Variants in RBM6 observed in about 807,000 individuals in gnomAD.
The protein encoded by RBM6 is RNA binding motif protein 6.
Under a neutral mutation model 140.4 loss-of-function variants are expected in RBM6, and 23 were observed. That is an observed-to-expected ratio of 0.16 (90% CI 0.12 to 0.23). RBM6 has a LOEUF of 0.23. Among genes scored for constraint, RBM6 ranks in the 10% least tolerant of loss-of-function variants. The probability of loss-of-function intolerance (pLI) is 1.00; values close to 1 mark genes in which losing one functional copy is unlikely to be tolerated. For synonymous variants in RBM6, 439 were observed against 475.6 expected (o/e 0.92, Z 1.00); for missense variants, 1,139 against 1,386.7 (o/e 0.82, Z 2.84).
rs531605904 is a variant in RBM6, at chr3:49,954,845, G to A, written c.-66-7731G>A. Among the ~76,000 whole-genome samples the A allele has an allele frequency of 1.1e-4, 16 of 149,426 alleles. No individual in the cohort carries two copies. The South Asian group carries it at 3.0e-3, about 28-fold the overall frequency. On this transcript the variant is annotated intron_variant, in intron 1 of 20. Coordinates refer to ENST00000266022, the MANE Select transcript of RBM6 (RefSeq NM_005777.3). ...GCGATCTCAGCCCACTGCAAGCTCC[G>A]CCTCCCAGGTTCACACCATTCTCCT...
intron 19 of RBM6, 43 bp from the exon 20 acceptor site, chr3:50,075,156 CAA>C (rs376657561): frequency 6.4e-3 from 8,643 of 1,352,896 alleles, no homozygotes; most frequent in South Asian, 0.018. Flanking sequence ...AACTCCGTCT[CAA>C]AAAAAAAAAA....
In RBM6 at chr3:50,061,136, A is replaced by G; in HGVS notation, c.2272-4A>G. 6 of 1,614,156 alleles carry G rather than the reference A, an allele frequency of 3.7e-6. No homozygotes were observed. The highest frequency in any genetic ancestry group is 2.2e-5 in the East Asian group (1 of 44,880). On this transcript the variant is annotated splice_polypyrimidine_tract_variant and splice_region_variant and intron_variant, in intron 12 of 20. Coordinates refer to ENST00000266022, the MANE Select transcript of RBM6 (RefSeq NM_005777.3). ...TGTAATTTTAACTTGCCTTTCTGTG[A>G]TAGGGTAAAAAATATTTCCGAGATA... is the stretch of plus-strand genomic sequence containing the variant.
chr3:50,007,587 C>T (rs1486195954), intron 6 of RBM6, among the ~76,000 whole-genome samples: 6 of 151,500 alleles, frequency 4.0e-5, no homozygotes, highest in South Asian at 2.1e-4. Context: ...GGTTGGAGTG[C>T]GGTGGCGTGA....
chr3:50,075,409 T>C, intron 20 of RBM6, 79 bp downstream of exon 20: 2 of 1,546,394 alleles, frequency 1.3e-6, no homozygotes, highest in Non-Finnish European at 8.8e-7. Flanking sequence ...TAGAGTGATG[T>C]CTTTGCCATT....
At chr3:49,972,494 A>G (rs2084846289) in intron 4 of RBM6, among the ~76,000 whole-genome samples, 1 of 152,228 alleles carries the variant, frequency 6.6e-6, no homozygotes, top group African/African-American at 2.4e-5. Flanking sequence ...ATAAGGATGC[A>G]GTTTATTTAC....
At chr3:50,032,156 A>G (rs1331840385) in intron 6 of RBM6, among the ~76,000 whole-genome samples, 1 of 152,056 alleles carries the variant, frequency 6.6e-6, no homozygotes, top group African/African-American at 2.4e-5. Flanking sequence ...AGGTAAAGAG[A>G]GCAGATAGGC....
rs748094077 is a variant in RBM6 at position 50,054,360 on chromosome 3, G to C, written c.1658G>C (p.Arg553Pro). 2 of 1,613,194 alleles carry C rather than the reference G, an allele frequency of 1.2e-6. No individual in the cohort carries two copies. The highest frequency in any genetic ancestry group is 1.7e-5 in the Admixed American group (1 of 60,012). The part of the protein sequence containing the change: ...KRCKANIGGH[R>P]SSCSFCKNPR... ...TGTAAGGCAAACATTGGTGGGCACCGATCTTCCTGTTCATTCTGCAAGAAC... is the reference window on the plus strand; with the variant it reads ...TGTAAGGCAAACATTGGTGGGCACCCATCTTCCTGTTCATTCTGCAAGAAC... The change falls in exon 8 of 21, where the codon CGA becomes CCA. Residue 553 changes from arginine (R) to proline (P), a missense_variant. Arg to Pro is a moderately radical substitution (Grantham distance 103, BLOSUM62 -2). Coordinates refer to ENST00000266022, the MANE Select transcript of RBM6 (RefSeq NM_005777.3).
rs545838487 is a variant in RBM6 at position 49,985,419 on chromosome 3, A to G, written c.1483+10027A>G. On this transcript the variant is annotated intron_variant, in intron 5 of 20. Transcript: ENST00000266022. ...ATGCTGCTCACTGTTTCTAGGTTAC[A>G]TTCTCTACCCTTGCAGTGTAAATTA... 2.6e-5 allele frequency among the ~76,000 whole-genome samples: 4 copies of G among 152,212 alleles called. No individual in the cohort carries two copies. In the East Asian group the frequency reaches 5.8e-4, roughly 22 times the overall value.
intron 6 of RBM6, among the ~76,000 whole-genome samples, chr3:50,044,473 C>T (rs2089118417): frequency 6.6e-6 from 1 of 151,646 alleles, no homozygotes; most frequent in African/African-American, 2.4e-5. Flanking sequence ...ATACAAGCTA[C>T]TCGAGAGGCC....
chr3:50,007,774 C>T (rs1452658805), intron 6 of RBM6, among the ~76,000 whole-genome samples: 2 of 152,116 alleles, frequency 1.3e-5, no homozygotes, highest in Non-Finnish European at 1.5e-5. Context: ...ACCTCGTGAT[C>T]CACCCGCCTC....
intron 15 of RBM6, among the ~76,000 whole-genome samples, chr3:50,064,742 A>G (rs919632355): frequency 2.0e-5 from 3 of 151,980 alleles, no homozygotes; most frequent in Non-Finnish European, 4.4e-5. Flanking sequence ...CAGTGGCACA[A>G]TCTTGGCTCA....
chr3:49,943,393 C>T (rs973123548), intron 1 of RBM6, among the ~76,000 whole-genome samples: 1 of 152,018 alleles, frequency 6.6e-6, no homozygotes, highest in Non-Finnish European at 1.5e-5. Context: ...GCCTCGAACT[C>T]GAGCTCAAGC....
intron 1 of RBM6, among the ~76,000 whole-genome samples, chr3:49,941,674 G>T (rs1484434458): frequency 2.8e-5 from 3 of 105,552 alleles, no homozygotes; most frequent in African/African-American, 4.3e-5. Context: ...AAAAAAACCC[G>T]CAAAACTCAA....
chr3:49,968,468 C>G lies in RBM6; in HGVS notation c.1043C>G (p.Ala348Gly). ...AGAGAAGGAGAAACACAAGGTGTAG[C>G]CTTTGAACATGAGTCTCCAGCAGAC... Reference protein sequence around the residue: ...ETREGETQGVAFEHESPADFQ... With the variant: ...ETREGETQGVGFEHESPADFQ... Residue 348 changes from alanine (A) to glycine (G), a missense_variant, in exon 3 of 21, where the codon GCC becomes GGC. Around this residue, in one of 9 missense-constraint regions of RBM6, gnomAD observed 566 missense variants for 612.7 expected, o/e 0.92. Coordinates refer to ENST00000266022, the MANE Select transcript of RBM6 (RefSeq NM_005777.3). 6.2e-7 allele frequency: 1 copy of G among 1,614,124 alleles called. No individual in the cohort carries two copies. Among genetic ancestry groups the G allele is most frequent in the East Asian group, 2.2e-5 (1 of 44,880 alleles).
At chr3:49,997,514 A>G (rs2086140800) in intron 5 of RBM6, among the ~76,000 whole-genome samples, 1 of 152,138 alleles carries the variant, frequency 6.6e-6, no homozygotes, top group Non-Finnish European at 1.5e-5. Context: ...TGCCAGTTTT[A>G]GTATTAGTTC....
At chr3:50,015,099 A>C (rs368218801) in intron 6 of RBM6, among the ~76,000 whole-genome samples, 1 of 127,830 alleles carries the variant, frequency 7.8e-6, no homozygotes, top group African/African-American at 2.8e-5. Flanking sequence ...TTTTTGTTTT[A>C]TTTCTTTTTT....
Position 49,995,839 on chromosome 3 carries a change from T to C in RBM6, c.1484-3601T>C, listed in dbSNP as rs76532746. Among the ~76,000 whole-genome samples the C allele has an allele frequency of 7.4e-3, 1,126 of 152,300 alleles. 14 individuals are homozygous for C. The highest frequency in any genetic ancestry group is 0.026 in the African/African-American group (1,071 of 41,556). The stretch of plus-strand genomic sequence containing the variant: ...TCTCAAAGTTGGTTGGCAGAATGTT[T>C]AGGTCTTTGGGTAGAATATCTTCTG... On this transcript the variant is annotated intron_variant, in intron 5 of 20. Transcript: ENST00000266022.
At chr3:49,962,021 C>T (rs528568062) in intron 1 of RBM6, among the ~76,000 whole-genome samples, 20 of 151,342 alleles carry the variant, frequency 1.3e-4, no homozygotes, top group African/African-American at 3.6e-4. Context: ...GCTGGGCGGC[C>T]GGCGTGCGCC....
intron 6 of RBM6, among the ~76,000 whole-genome samples, chr3:50,002,984 C>T (rs1178328682): frequency 3.9e-5 from 6 of 152,012 alleles, no homozygotes; most frequent in South Asian, 2.1e-4. Context: ...GGTGTGGTGG[C>T]GCACGCCTGT....
Sources: gnomAD v4.1 joint callset for allele counts (sites outside exome capture counted in the v4.1 genomes callset) on GRCh38, gnomAD v4.1.1 for gene constraint, gnomAD v4.1.1 regional missense constraint, MANE v1.5 for transcripts, NCBI Gene and HGNC (gene_info 2026-07-23, HGNC 2026-07-21) for gene names.